Variants in FGF2 observed in about 807,000 individuals in gnomAD.
The protein encoded by FGF2 is fibroblast growth factor 2.
A neutral mutation model predicts 15.9 loss-of-function variants in FGF2; 13 were observed. The observed-to-expected ratio is 0.82, with a 90% CI of 0.53 to 1.30. The LOEUF (loss-of-function observed/expected upper bound fraction) is 1.30, where lower values mean the gene tolerates loss of function less well. FGF2 is among the 50% of genes most tolerant of loss of function. The pLI, the probability that FGF2 is intolerant of heterozygous loss-of-function variation, is 0.00. For missense variants in FGF2, 163 were observed against 196.9 expected, an observed-to-expected ratio of 0.83 and a Z score of 1.03; for synonymous variants, 90 against 78.4, an observed-to-expected ratio of 1.15 and a Z score of -0.78.
intron 1 of FGF2, among the ~76,000 whole-genome samples, chr4:122,861,521 C>A (rs933201289): frequency 3.9e-5 from 6 of 151,954 alleles, no homozygotes; most frequent in African/African-American, 1.5e-4. Context: ...TTTTACCTCC[C>A]TCCCTTCCTT....
intron 1 of FGF2, among the ~76,000 whole-genome samples, chr4:122,828,864 T>A (rs1725704312): frequency 6.6e-6 from 1 of 152,238 alleles, no homozygotes. Flanking sequence ...ATCTTTGTGA[T>A]TGAAGTTTGT....
chr4:122,831,538 TGATATTTA>T (rs1725766518), intron 1 of FGF2, among the ~76,000 whole-genome samples: 1 of 152,216 alleles, frequency 6.6e-6, no homozygotes, highest in African/African-American at 2.4e-5. Flanking sequence ...TTAATGAACG[TGATATTTA>T]CTGTAATAAA....
chr4:122,828,043 C>T (rs1199009112), intron 1 of FGF2, among the ~76,000 whole-genome samples: 1 of 152,198 alleles, frequency 6.6e-6, no homozygotes, highest in Non-Finnish European at 1.5e-5. Flanking sequence ...GACGCTTAAC[C>T]CCAGAGCCGG....
intron 1 of FGF2, among the ~76,000 whole-genome samples, chr4:122,871,248 C>A (rs1036242838): frequency 6.6e-6 from 1 of 151,884 alleles, no homozygotes; most frequent in Non-Finnish European, 1.5e-5. Context: ...AATACGTGGT[C>A]GGTTTTAGAA....
chr4:122,885,233 G>C (rs116754866), intron 2 of FGF2, among the ~76,000 whole-genome samples: 1,805 of 152,146 alleles, frequency 0.012, 38 homozygotes, highest in African/African-American at 0.04. Flanking sequence ...TATTTTTATT[G>C]TAAGCTATCT....
At chr4:122,850,135 G>A (rs368928859) in intron 1 of FGF2, among the ~76,000 whole-genome samples, 1 of 152,048 alleles carries the variant, frequency 6.6e-6, no homozygotes, top group Admixed American at 6.6e-5. Flanking sequence ...AGTGGCACAT[G>A]CCTGTAATCT....
rs191267165 is a variant in FGF2 at position 122,857,917 on chromosome 4, C to A, written c.179-18404C>A. On this transcript the variant is annotated intron_variant, in intron 1 of 2. Transcript: ENST00000644866. ...ACAATCTTAAGTTTCATAATAAAAA[C>A]CATTTTTACTTTATGGCTATAAGAG... Among the ~76,000 whole-genome samples, 595 of 152,172 alleles carry A rather than the reference C, an allele frequency of 3.9e-3. 3 individuals are homozygous for A. Among genetic ancestry groups the A allele is most frequent in the African/African-American group, 0.013 (553 of 41,512 alleles).
intron 1 of FGF2, among the ~76,000 whole-genome samples, chr4:122,871,491 A>G (rs186158529): frequency 8.5e-5 from 13 of 152,102 alleles, no homozygotes; most frequent in Non-Finnish European, 1.8e-4. Context: ...CCCCTCCACC[A>G]AGAGAGAAAG....
At chr4:122,844,085 C>T (rs866014990) in intron 1 of FGF2, among the ~76,000 whole-genome samples, 1 of 152,232 alleles carries the variant, frequency 6.6e-6, no homozygotes, top group Non-Finnish European at 1.5e-5. Flanking sequence ...TACAGTAGAA[C>T]ATTTTTCAAA....
At chr4:122,839,497 A>G (rs572167944) in intron 1 of FGF2, among the ~76,000 whole-genome samples, 1 of 152,340 alleles carries the variant, frequency 6.6e-6, no homozygotes, top group African/African-American at 2.4e-5. Context: ...CAAGATAGAT[A>G]AAGAGATACC....
At chr4:122,891,036 GT>G (rs1269366239) in intron 2 of FGF2, among the ~76,000 whole-genome samples, 109 of 114,712 alleles carry the variant, frequency 9.5e-4, no homozygotes, top group African/African-American at 2.4e-3. Flanking sequence ...TTTTTTTTTT[GT>G]TTTGTTTTGT....
intron 1 of FGF2, among the ~76,000 whole-genome samples, chr4:122,859,478 A>C (rs1726414699): frequency 1.3e-5 from 2 of 152,226 alleles, no homozygotes; most frequent in African/African-American, 4.8e-5. Context: ...CTTTAAAAAG[A>C]TGCCTCAGCC....
At chr4:122,875,450 C>T in intron 1 of FGF2, among the ~76,000 whole-genome samples, 1 of 113,774 alleles carries the variant, frequency 8.8e-6, no homozygotes, top group Non-Finnish European at 2.0e-5. Context: ...ATCAAAATCC[C>T]ATATAGAAAG....
At position 122,872,396 on chromosome 4, in the gene FGF2, C is replaced by T. The variant is rs183153484; in HGVS notation, c.179-3925C>T. 2.7e-3 allele frequency among the ~76,000 whole-genome samples: 402 copies of T among 151,298 alleles called. 1 individual carries two copies. Among genetic ancestry groups the T allele is most frequent in the African/African-American group, 9.0e-3 (370 of 40,960 alleles). On this transcript the variant is annotated intron_variant, in intron 1 of 2. Coordinates refer to ENST00000644866, the MANE Select transcript of FGF2 (RefSeq NM_001361665.2). ...TTCATAAAAAGACCGAACCTACTAT[C>T]GATTGGAGTACCAGAAGAAGACAGG...
At chr4:122,865,277 T>G (rs308386) in intron 1 of FGF2, among the ~76,000 whole-genome samples, 74,480 of 151,704 alleles carry the variant, frequency 0.49, 19,784 homozygotes, top group Non-Finnish European at 0.59. Flanking sequence ...CTCTGTTTTT[T>G]TTTGTTTGTT....
chr4:122,874,465 A>T (rs1726799184), intron 1 of FGF2, among the ~76,000 whole-genome samples: 2 of 152,174 alleles, frequency 1.3e-5, no homozygotes, highest in African/African-American at 4.8e-5. Flanking sequence ...CACAGAGGTG[A>T]CTCAGACATG....
At chr4:122,832,140 T>C (rs1314643499) in intron 1 of FGF2, among the ~76,000 whole-genome samples, 1 of 152,232 alleles carries the variant, frequency 6.6e-6, no homozygotes, top group African/African-American at 2.4e-5. Context: ...ATTTTCCAGA[T>C]ACCCTACTTG....
chr4:122,863,161 C>T (rs1273347961), intron 1 of FGF2, among the ~76,000 whole-genome samples: 2 of 152,208 alleles, frequency 1.3e-5, no homozygotes, highest in Non-Finnish European at 2.9e-5. Context: ...CAGAAGCGTT[C>T]TATGCCCTGT....
intron 1 of FGF2, among the ~76,000 whole-genome samples, chr4:122,859,653 T>C (rs868404998): frequency 2.5e-4 from 37 of 149,782 alleles, no homozygotes; most frequent in African/African-American, 5.7e-4. Context: ...CATATGTATA[T>C]ACACACACAC....
Sources: allele counts gnomAD v4.1 joint callset (sites outside exome capture counted in the v4.1 genomes callset), GRCh38; gene constraint gnomAD v4.1.1; transcripts MANE v1.5; gene names NCBI Gene and HGNC (gene_info 2026-07-23, HGNC 2026-07-21).